The following WDR64 variants were observed in gnomAD, a reference collection of about 807,000 sequenced individuals.
The protein encoded by WDR64 is WD repeat-containing protein 64.
In WDR64, 112 loss-of-function variants were observed where a neutral mutation model predicts 139.3. The ratio of observed to expected loss-of-function variants is 0.80; its 90% CI spans 0.69 to 0.94. The LOEUF is 0.94. Ranked by LOEUF, WDR64 falls within the 40% of genes least tolerant of loss-of-function variation. The probability of loss-of-function intolerance (pLI) is 0.00; values close to 1 mark genes in which losing one functional copy is unlikely to be tolerated. For missense variants in WDR64, 1,206 were observed against 1,293.1 expected (o/e 0.93, Z 1.03); for synonymous variants, 444 against 437.7 (o/e 1.01, Z -0.18).
chr1:241,708,858 T>C (rs1006218213), intron 8 of WDR64, among the ~76,000 whole-genome samples: 3 of 152,130 alleles, frequency 2.0e-5, no homozygotes, highest in Non-Finnish European at 4.4e-5. Context: ...TCTTTTTTAA[T>C]ATCCAAAGTG....
At chr1:241,733,869 T>C (rs1317281959) in intron 10 of WDR64, among the ~76,000 whole-genome samples, 1 of 152,124 alleles carries the variant, frequency 6.6e-6, no homozygotes, top group Non-Finnish European at 1.5e-5. Context: ...AGTGCTGACC[T>C]GGCTCCACTT....
chr1:241,741,304 T>C (rs1203494250), intron 11 of WDR64, among the ~76,000 whole-genome samples: 1 of 152,240 alleles, frequency 6.6e-6, no homozygotes, highest in East Asian at 1.9e-4. Context: ...CCAAAATGAA[T>C]GCTTTTCTGT....
chr1:241,711,030 A>G (rs1430295499), intron 8 of WDR64, among the ~76,000 whole-genome samples: 1 of 152,152 alleles, frequency 6.6e-6, no homozygotes, highest in Non-Finnish European at 1.5e-5. Context: ...TGAGGTCGGG[A>G]GTTTGAGACC....
At chr1:241,743,855 T>G (rs1669647235) in intron 12 of WDR64, among the ~76,000 whole-genome samples, 1 of 152,106 alleles carries the variant, frequency 6.6e-6, no homozygotes, top group African/African-American at 2.4e-5. Context: ...TCTCTGTCTC[T>G]CTCTTTCTCT....
At chr1:241,718,958 C>T (rs906698714) in intron 9 of WDR64, among the ~76,000 whole-genome samples, 5 of 152,214 alleles carry the variant, frequency 3.3e-5, no homozygotes, top group Admixed American at 2.0e-4. Context: ...CCAAAGGCCC[C>T]CCATTTCCAA....
chr1:241,657,897 C>T (rs1200747269), intron 1 of WDR64, among the ~76,000 whole-genome samples: 4 of 152,290 alleles, frequency 2.6e-5, no homozygotes, highest in East Asian at 3.9e-4. Flanking sequence ...ACATTTCTAG[C>T]ATCCCAGAAA....
intron 23 of WDR64, among the ~76,000 whole-genome samples, chr1:241,785,680 G>A (rs1659012613): frequency 1.3e-5 from 2 of 152,174 alleles, no homozygotes; most frequent in Non-Finnish European, 2.9e-5. Context: ...GAACACAACT[G>A]TCTTCATAAC....
chr1:241,741,422 T>G, intron 11 of WDR64, 94 bp from the exon 12 acceptor site: 1 of 1,054,172 alleles, frequency 9.5e-7, no homozygotes. Flanking sequence ...ATCTCACTGT[T>G]TGGCTGTTTC....
chr1:241,771,495 C>A (rs1658427826), intron 18 of WDR64, among the ~76,000 whole-genome samples, 166 bp from the exon 19 acceptor site: 1 of 151,454 alleles, frequency 6.6e-6, no homozygotes, highest in Non-Finnish European at 1.5e-5. Context: ...TATTTCTGGA[C>A]ATGAAAATCT....
chr1:241,670,766 T>C (rs1666194788), intron 2 of WDR64, among the ~76,000 whole-genome samples: 2 of 152,112 alleles, frequency 1.3e-5, no homozygotes, highest in South Asian at 4.1e-4. Flanking sequence ...ATGCAAGGGA[T>C]CTAGATTGCA....
intron 2 of WDR64, among the ~76,000 whole-genome samples, chr1:241,669,414 C>T (rs1370201501): frequency 6.6e-6 from 1 of 152,196 alleles, no homozygotes; most frequent in East Asian, 1.9e-4. Context: ...CCTGTCCACT[C>T]CAACATAGAT....
chr1:241,689,941 A>C (rs1444122666), intron 8 of WDR64, among the ~76,000 whole-genome samples: 1 of 152,090 alleles, frequency 6.6e-6, no homozygotes, highest in Non-Finnish European at 1.5e-5. Flanking sequence ...AAACCATAGG[A>C]TATCCAAAAA....
At chr1:241,771,173 G>A (rs1658412659) in intron 18 of WDR64, among the ~76,000 whole-genome samples, 1 of 152,134 alleles carries the variant, frequency 6.6e-6, no homozygotes, top group African/African-American at 2.4e-5. Context: ...AAGGAAAGTT[G>A]TCACTGCAAA....
At chr1:241,718,942 T>C (rs1214806895) in intron 9 of WDR64, among the ~76,000 whole-genome samples, 1 of 152,130 alleles carries the variant, frequency 6.6e-6, no homozygotes, top group Non-Finnish European at 1.5e-5. Context: ...GGAACCTAAT[T>C]ATCTCCCAAA....
At chr1:241,792,063 A>G (rs904786175) in intron 25 of WDR64, among the ~76,000 whole-genome samples, 2 of 152,220 alleles carry the variant, frequency 1.3e-5, no homozygotes, top group African/African-American at 4.8e-5. Context: ...ACCTTTCTAA[A>G]TGTATCTCCC....
At chr1:241,754,687 A>C (rs991301704) in intron 14 of WDR64, among the ~76,000 whole-genome samples, 1 of 152,046 alleles carries the variant, frequency 6.6e-6, no homozygotes, top group Non-Finnish European at 1.5e-5. Flanking sequence ...CGTCATCTAC[A>C]TTAGCCATTT....
chr1:241,764,874 T>C (rs866661244), intron 15 of WDR64, among the ~76,000 whole-genome samples: 2 of 151,562 alleles, frequency 1.3e-5, no homozygotes, highest in African/African-American at 2.4e-5. Context: ...AACTGAAAAA[T>C]AGCGCTAACC....
intron 1 of WDR64, among the ~76,000 whole-genome samples, chr1:241,655,276 G>A (rs1211935850): frequency 2.0e-5 from 3 of 152,018 alleles, no homozygotes; most frequent in Non-Finnish European, 2.9e-5. Context: ...CCAGCTACTC[G>A]GGAGGCTAAG....
In WDR64 at chr1:241,723,352, GA is replaced by G. The variant is rs774557606; in HGVS notation, c.1113del (p.Lys371AsnfsTer3). ...CCAATATCAGCACCAAGCCAGTAGGGAAACTTGTAGGACACATGTTCAGTAT... is the reference window on the plus strand; with the variant it reads ...CCAATATCAGCACCAAGCCAGTAGGGAACTTGTAGGACACATGTTCAGTAT... ...HPNISTKPVG[K>X]LVGHMFSIAE... On this transcript the variant is annotated frameshift_variant, in exon 10 of 28. Coordinates refer to ENST00000437684, the MANE Select transcript of WDR64 (RefSeq NM_001367482.1). LOFTEE classifies it high-confidence loss of function. 4 of 1,613,820 alleles carry G rather than the reference GA, an allele frequency of 2.5e-6. No homozygotes were observed. Among genetic ancestry groups the G allele is most frequent in the African/African-American group, 2.7e-5 (2 of 74,896 alleles).
Sources: gnomAD v4.1 joint callset for allele counts (sites outside exome capture counted in the v4.1 genomes callset) on GRCh38, gnomAD v4.1.1 for gene constraint, MANE v1.5 for transcripts, NCBI Gene and HGNC (gene_info 2026-07-23, HGNC 2026-07-21) for gene names.